KCNQ5: variants seen among roughly 807,000 people sequenced by gnomAD.
The protein encoded by KCNQ5 is potassium voltage-gated channel subfamily Q member 5, also known as potassium voltage-gated channel subfamily KQT member 5.
In KCNQ5, 30 loss-of-function variants were observed where a neutral mutation model predicts 98.2. The ratio of observed to expected loss-of-function variants is 0.31; its 90% CI spans 0.23 to 0.41. The LOEUF is 0.41. Ranked by LOEUF, KCNQ5 falls within the 10% of genes least tolerant of loss-of-function variation. KCNQ5 has a pLI of 1.00. For missense variants in KCNQ5, 835 were observed against 1,182.5 expected (o/e 0.71, Z 4.31); for synonymous variants, 458 against 449.4 (o/e 1.02, Z -0.24).
intron 1 of KCNQ5, among the ~76,000 whole-genome samples, chr6:72,804,772 C>G (rs757484169): frequency 5.9e-5 from 9 of 152,104 alleles, no homozygotes; most frequent in Non-Finnish European, 1.0e-4. Context: ...GATTTGTATT[C>G]CCACTAACAG....
At chr6:72,683,875 G>A (rs940516124) in intron 1 of KCNQ5, among the ~76,000 whole-genome samples, 1 of 151,686 alleles carries the variant, frequency 6.6e-6, no homozygotes, top group East Asian at 1.9e-4. Context: ...TTTTATAATT[G>A]CTGCTAACAG....
At chr6:73,094,828 G>C (rs1774412159) in intron 5 of KCNQ5, among the ~76,000 whole-genome samples, 1 of 152,096 alleles carries the variant, frequency 6.6e-6, no homozygotes, top group Non-Finnish European at 1.5e-5. Flanking sequence ...AGGTTACCAG[G>C]TACTTTTGTC....
chr6:72,806,639 C>G lies in KCNQ5; in HGVS notation c.398+184052C>G, dbSNP rs184646362. 3.9e-4 allele frequency among the ~76,000 whole-genome samples: 59 copies of G among 152,244 alleles called. 1 individual carries two copies. The highest frequency in any genetic ancestry group is 3.9e-3 in the Admixed American group (59 of 15,280). Reference sequence around the variant, plus strand: ...GACCTGCTGAGAAATAAAATATTATCTGAAAATTGCAAGACTCCAAGATGT... The same window carrying G: ...GACCTGCTGAGAAATAAAATATTATGTGAAAATTGCAAGACTCCAAGATGT... On this transcript the variant is annotated intron_variant, in intron 1 of 13. Coordinates refer to ENST00000370398, the MANE Select transcript of KCNQ5 (RefSeq NM_019842.4).
intron 1 of KCNQ5, among the ~76,000 whole-genome samples, chr6:72,958,814 C>T (rs1767208018): frequency 6.6e-6 from 1 of 152,066 alleles, no homozygotes; most frequent in African/African-American, 2.4e-5. Flanking sequence ...TATCTGAAAA[C>T]AGGAAAAAAT....
rs181047580 is a variant in KCNQ5 at position 72,890,650 on chromosome 6, C to T, written c.399-113258C>T. 1.3e-4 allele frequency among the ~76,000 whole-genome samples: 20 copies of T among 152,176 alleles called. No individual in the cohort carries two copies. The East Asian group carries it at 1.7e-3, about 13-fold the overall frequency. On this transcript the variant is annotated intron_variant, in intron 1 of 13. Transcript: ENST00000370398. The stretch of plus-strand genomic sequence containing the variant: ...CACACCAGGATCAAAACCATCTTGC[C>T]GAGGTTCTTATTCTTGATCGAAATA...
intron 2 of KCNQ5, among the ~76,000 whole-genome samples, chr6:73,024,051 C>T (rs1770742620): frequency 6.6e-6 from 1 of 152,162 alleles, no homozygotes; most frequent in African/African-American, 2.4e-5. Flanking sequence ...AATGTCAATT[C>T]TCTTTCCAAT....
intron 1 of KCNQ5, among the ~76,000 whole-genome samples, chr6:72,747,187 A>T (rs896003692): frequency 3.3e-5 from 5 of 152,162 alleles, no homozygotes; most frequent in Non-Finnish European, 7.4e-5. Context: ...CATCAATAGA[A>T]ATCCTAGATT....
intron 1 of KCNQ5, among the ~76,000 whole-genome samples, chr6:72,698,636 T>TTC (rs1768632734): frequency 8.3e-6 from 1 of 121,148 alleles, no homozygotes; most frequent in Admixed American, 9.7e-5. Flanking sequence ...TCTGTGTTTT[T>TTC]TTCTTCTTCT....
intron 1 of KCNQ5, among the ~76,000 whole-genome samples, chr6:72,820,050 A>C (rs1775680702): frequency 6.6e-6 from 1 of 151,908 alleles, no homozygotes; most frequent in Non-Finnish European, 1.5e-5. Context: ...CTCCCTCTTC[A>C]CATCTGGGTC....
intron 11 of KCNQ5, among the ~76,000 whole-genome samples, 161 bp from the exon 12 acceptor site, chr6:73,190,412 C>G (rs1360171537): frequency 6.6e-6 from 1 of 152,184 alleles, no homozygotes; most frequent in Admixed American, 6.5e-5. Context: ...AAATTGTCCA[C>G]TGTAATCTCA....
chr6:72,951,325 G>A (rs569163179), intron 1 of KCNQ5, among the ~76,000 whole-genome samples: 1 of 152,242 alleles, frequency 6.6e-6, no homozygotes, highest in East Asian at 1.9e-4. Context: ...CGACCAGGCT[G>A]GAGTGCAGTG....
rs1475967803 is a variant in KCNQ5 at position 73,077,345 on chromosome 6, A to G, written c.640A>G (p.Ile214Val). 1.9e-6 allele frequency: 3 copies of G among 1,614,148 alleles called. No individual in the cohort carries two copies. Among genetic ancestry groups the G allele is most frequent in the Non-Finnish European group, 2.5e-6 (3 of 1,180,004 alleles). The change falls in exon 4 of 14, where the codon ATA becomes GTA. Residue 214 changes from isoleucine to valine, a missense_variant. By Grantham distance (29) the Ile-to-Val change is conservative (BLOSUM62 3). This residue lies in a region of KCNQ5 where 48 missense variants were observed against 112.1 expected (regional missense o/e 0.43). Coordinates refer to ENST00000370398, the MANE Select transcript of KCNQ5 (RefSeq NM_019842.4). ...VIDTIVLIAS[I>V]AVVSAKTQGN... ...AGATACCATTGTTCTTATCGCTTCAATAGCAGTTGTTTCTGCAAAAACTCA... is the reference window on the plus strand; with the variant it reads ...AGATACCATTGTTCTTATCGCTTCAGTAGCAGTTGTTTCTGCAAAAACTCA...
chr6:72,907,335 TA>T (rs1779741768), intron 1 of KCNQ5, among the ~76,000 whole-genome samples: 1 of 152,194 alleles, frequency 6.6e-6, no homozygotes, highest in Non-Finnish European at 1.5e-5. Context: ...AAATAAATAA[TA>T]AAAGTCCATC....
chr6:72,659,199 G>T (rs1001705805), intron 1 of KCNQ5, among the ~76,000 whole-genome samples: 1 of 152,084 alleles, frequency 6.6e-6, no homozygotes, highest in African/African-American at 2.4e-5. Context: ...CTCTCCTCTT[G>T]TTTATCCAAC....
At chr6:73,032,752 C>T (rs1432020186) in intron 2 of KCNQ5, among the ~76,000 whole-genome samples, 2 of 152,012 alleles carry the variant, frequency 1.3e-5, no homozygotes, top group Admixed American at 1.3e-4. Flanking sequence ...ATACATGAAT[C>T]ATTTGGGCAT....
intron 1 of KCNQ5, among the ~76,000 whole-genome samples, chr6:72,750,123 A>G (rs1771603353): frequency 1.3e-5 from 2 of 152,086 alleles, no homozygotes; most frequent in African/African-American, 4.8e-5. Context: ...GGGGAGACTT[A>G]TGAGACAAAG....
intron 5 of KCNQ5, among the ~76,000 whole-genome samples, chr6:73,101,996 A>T (rs1774797558): frequency 6.6e-6 from 1 of 152,116 alleles, no homozygotes; most frequent in Non-Finnish European, 1.5e-5. Flanking sequence ...CTGACTTCAA[A>T]TTATACTACA....
chr6:73,015,842 C>G (rs1770312513), intron 2 of KCNQ5, among the ~76,000 whole-genome samples: 1 of 152,142 alleles, frequency 6.6e-6, no homozygotes, highest in Non-Finnish European at 1.5e-5. Context: ...GTGATCATTT[C>G]CATCATTTGA....
chr6:73,056,464 G>T (rs57873383), intron 3 of KCNQ5, among the ~76,000 whole-genome samples: 1 of 151,974 alleles, frequency 6.6e-6, no homozygotes, highest in Non-Finnish European at 1.5e-5. Flanking sequence ...AGGGTTTCTC[G>T]TGGTGGTTGA....
Sources: gnomAD v4.1 joint callset for allele counts (sites outside exome capture counted in the v4.1 genomes callset) on GRCh38, gnomAD v4.1.1 for gene constraint, gnomAD v4.1.1 regional missense constraint, MANE v1.5 for transcripts, NCBI Gene and HGNC (gene_info 2026-07-23, HGNC 2026-07-21) for gene names.